The following PTPRN2 variants were observed in gnomAD, a reference collection of about 807,000 sequenced individuals.
PTPRN2 encodes protein tyrosine phosphatase receptor type N2, also known as receptor-type tyrosine-protein phosphatase N2.
In PTPRN2, 74 loss-of-function variants were observed where a neutral mutation model predicts 118.8. The ratio of observed to expected loss-of-function variants is 0.62; its 90% confidence interval spans 0.52 to 0.76. The LOEUF (loss-of-function observed/expected upper bound fraction) is 0.76, where lower values mean the gene tolerates loss of function less well. Among genes scored for constraint, PTPRN2 ranks in the 30% least tolerant of loss-of-function variants. The pLI is 0.00. For synonymous variants in PTPRN2, 641 were observed against 608.0 expected, an observed-to-expected ratio of 1.05 and a Z score of -0.80; for missense variants, 1,481 against 1,394.4, an observed-to-expected ratio of 1.06 and a Z score of -0.99.
intron 3 of PTPRN2, among the ~76,000 whole-genome samples, chr7:158,267,419 T>G (rs1797959526): frequency 6.6e-6 from 1 of 152,186 alleles, no homozygotes; most frequent in Non-Finnish European, 1.5e-5. Context: ...GAGCATGTTT[T>G]TGTGTGAGTG....
intron 12 of PTPRN2, among the ~76,000 whole-genome samples, chr7:157,799,986 C>T (rs949346419): frequency 3.3e-5 from 5 of 151,078 alleles, no homozygotes; most frequent in Non-Finnish European, 5.9e-5. Flanking sequence ...GTACCACAGC[C>T]GGCCTCCCCC....
At chr7:158,214,756 C>G (rs932754713) in intron 3 of PTPRN2, among the ~76,000 whole-genome samples, 1 of 152,096 alleles carries the variant, frequency 6.6e-6, no homozygotes, top group Non-Finnish European at 1.5e-5. Flanking sequence ...CCACCCCTCT[C>G]CCTAACCAAT....
In PTPRN2 at chr7:157,548,995, G is replaced by A. The variant is rs1032810490; in HGVS notation, c.2927C>T (p.Ala976Val). The change falls in exon 22 of 23, where the codon GCG (alanine) becomes GTG (valine). Residue 976 changes from alanine (A) to valine (V), a missense_variant. By Grantham distance (64) the Ala-to-Val change is moderately conservative. Transcript: ENST00000389418. ...AKGAKEIDIA[A>V]TLEHLRDQRP... ...CTGGTCCCTCAAGTGCTCCAGGGTCGCTGCGATATCAATCTCTTTAGCACC... is the reference window on the plus strand; with the variant it reads ...CTGGTCCCTCAAGTGCTCCAGGGTCACTGCGATATCAATCTCTTTAGCACC... 4.3e-6 allele frequency: 7 copies of A among 1,614,066 alleles called. No individual in the cohort carries two copies. The highest frequency in any genetic ancestry group is 4.5e-5 in the East Asian group (2 of 44,902).
At chr7:157,595,710 G>A (rs1169444183) in intron 16 of PTPRN2, among the ~76,000 whole-genome samples, 2 of 151,960 alleles carry the variant, frequency 1.3e-5, no homozygotes, top group Non-Finnish European at 2.9e-5. Flanking sequence ...CCAGGAAGCA[G>A]AGCCTGGGTT....
At chr7:157,663,630 G>A (rs1796002034) in intron 13 of PTPRN2, among the ~76,000 whole-genome samples, 1 of 152,146 alleles carries the variant, frequency 6.6e-6, no homozygotes, top group African/African-American at 2.4e-5. Context: ...TCCTCACAGT[G>A]GGGACCGGCC....
chr7:158,376,978 G>A (rs1360564014), intron 2 of PTPRN2, among the ~76,000 whole-genome samples: 1 of 121,720 alleles, frequency 8.2e-6, no homozygotes, highest in Non-Finnish European at 1.8e-5. Context: ...CTGCACGCGG[G>A]GTCAGGGGAC....
chr7:157,655,613 T>A (rs1806021259), intron 14 of PTPRN2, among the ~76,000 whole-genome samples: 1 of 152,154 alleles, frequency 6.6e-6, no homozygotes, highest in South Asian at 2.1e-4. Flanking sequence ...CGTAACAGGC[T>A]CTGCCCTTTC....
Position 157,671,816 on chromosome 7 carries a change from C to T in PTPRN2, c.2001+10909G>A, listed in dbSNP as rs1232901910. Among the ~76,000 whole-genome samples the T allele has an allele frequency of 6.6e-6, 1 of 152,128 alleles. No homozygotes were observed. Among genetic ancestry groups the T allele is most frequent in the African/African-American group, 2.4e-5 (1 of 41,428 alleles). ...GGACGCCCTGAAGAGCTTCTTCCTA[C>T]CAGACCCCCGAAGGCCAGGGTCTGG... On this transcript the variant is annotated intron_variant, in intron 13 of 22. Coordinates refer to ENST00000389418, the MANE Select transcript of PTPRN2 (RefSeq NM_002847.5). This position sits in a 1 kb window ranked among gnomAD's most constrained non-coding sequence, Gnocchi z 4.1.
chr7:157,604,219 C>G (rs1801871755), intron 15 of PTPRN2, 144 bp from the exon 16 acceptor site: 2 of 729,552 alleles, frequency 2.7e-6, no homozygotes, highest in African/African-American at 3.5e-5. Flanking sequence ...TGTGGGACTC[C>G]CAAACAGCCT....
At chr7:158,326,931 GCACACATACACATTTTCA>G (rs1803622169) in intron 2 of PTPRN2, among the ~76,000 whole-genome samples, 4 of 146,508 alleles carry the variant, frequency 2.7e-5, no homozygotes, top group South Asian at 2.2e-4. Flanking sequence ...GTTCTCACAT[GCACACATACACATTTTCA>G]CACATGCACA....
chr7:158,262,946 TCA>T (rs1181511755), intron 3 of PTPRN2, among the ~76,000 whole-genome samples: 5 of 127,500 alleles, frequency 3.9e-5, no homozygotes, highest in Admixed American at 2.3e-4. Flanking sequence ...ACACACACAT[TCA>T]CACACATACA....
intron 9 of PTPRN2, among the ~76,000 whole-genome samples, chr7:158,123,296 G>A (rs191683440): frequency 1.2e-3 from 176 of 152,296 alleles, no homozygotes; most frequent in African/African-American, 3.7e-3. Flanking sequence ...GCAACGCTTC[G>A]AGGGTGGCAA....
intron 12 of PTPRN2, among the ~76,000 whole-genome samples, chr7:157,715,222 A>G (rs1247694350): frequency 6.6e-6 from 1 of 152,158 alleles, no homozygotes; most frequent in Non-Finnish European, 1.5e-5. Context: ...TGGAGGCGGG[A>G]GTCCAGGCCG....
At chr7:158,136,911 G>A (rs573378833) in intron 7 of PTPRN2, among the ~76,000 whole-genome samples, 9 of 152,314 alleles carry the variant, frequency 5.9e-5, no homozygotes, top group Admixed American at 1.3e-4. Flanking sequence ...GGAGCTAAAT[G>A]GTAGACGTGA....
chr7:157,541,666 C>T (rs964060382), intron 22 of PTPRN2, among the ~76,000 whole-genome samples: 3 of 152,244 alleles, frequency 2.0e-5, no homozygotes, highest in African/African-American at 7.2e-5. Flanking sequence ...ACGGAAACAA[C>T]ACTGTTACCC....
At chr7:158,466,250 C>T (rs1263256614) in intron 2 of PTPRN2, among the ~76,000 whole-genome samples, 1 of 152,128 alleles carries the variant, frequency 6.6e-6, no homozygotes, top group African/African-American at 2.4e-5. Flanking sequence ...GCATTAGGCC[C>T]CTGGGCTCAC....
chr7:157,778,406 G>A (rs184638631), intron 12 of PTPRN2, among the ~76,000 whole-genome samples: 19 of 150,054 alleles, frequency 1.3e-4, no homozygotes, highest in Admixed American at 7.9e-4. Flanking sequence ...GAATGCCCAC[G>A]TACATGTGAA....
intron 2 of PTPRN2, among the ~76,000 whole-genome samples, chr7:158,416,715 G>A (rs1346294816): frequency 6.6e-6 from 1 of 152,218 alleles, no homozygotes; most frequent in African/African-American, 2.4e-5. Context: ...GGGAAACATA[G>A]ACTGGCTACC....
At chr7:157,850,972 G>C (rs1809236197) in intron 12 of PTPRN2, among the ~76,000 whole-genome samples, 1 of 152,340 alleles carries the variant, frequency 6.6e-6, no homozygotes, top group African/African-American at 2.4e-5. Flanking sequence ...AGTTCTTGCT[G>C]GGGTGAAGGG....
Sources: gnomAD v4.1 joint callset for allele counts (sites outside exome capture counted in the v4.1 genomes callset) on GRCh38, gnomAD v4.1.1 for gene constraint, Gnocchi (gnomAD v3.1) non-coding constraint, MANE v1.5 for transcripts, NCBI Gene and HGNC (gene_info 2026-07-23, HGNC 2026-07-21) for gene names.